Variants in SMARCAD1 observed in about 807,000 individuals in gnomAD.
The protein encoded by SMARCAD1 is SNF2 related chromatin remodeling ATPase with DExD box 1.
A neutral mutation model predicts 127.1 loss-of-function variants in SMARCAD1; 25 were observed. The observed-to-expected ratio is 0.20, with a 90% CI of 0.14 to 0.27. The LOEUF (loss-of-function observed/expected upper bound fraction) is 0.27, where lower values mean the gene tolerates loss of function less well. Ranked by LOEUF, SMARCAD1 falls within the 10% of genes least tolerant of loss-of-function variation. The probability of loss-of-function intolerance (pLI) is 1.00; values close to 1 mark genes in which losing one functional copy is unlikely to be tolerated. For missense variants in SMARCAD1, 807 were observed against 1,206.0 expected, an observed-to-expected ratio of 0.67 and a Z score of 4.90; for synonymous variants, 400 against 396.9, an observed-to-expected ratio of 1.01 and a Z score of -0.09.
At chr4:94,265,050 G>T in intron 10 of SMARCAD1, 144 bp downstream of exon 10, 1 of 708,018 alleles carries the variant, frequency 1.4e-6, no homozygotes, top group Non-Finnish European at 2.4e-6. Context: ...CACATAAGTG[G>T]ACTATGAACT....
At chr4:94,248,635 G>A (rs1409697094) in intron 6 of SMARCAD1, 1 of 416,680 alleles carries the variant, frequency 2.4e-6, no homozygotes, top group Non-Finnish European at 4.8e-6. Context: ...TGTTAGCTCT[G>A]GTTTAATTCT....
At chr4:94,268,678 C>T (rs930827340) in intron 10 of SMARCAD1, among the ~76,000 whole-genome samples, 22 of 152,130 alleles carry the variant, frequency 1.4e-4, no homozygotes. Context: ...ATTGCAGATA[C>T]AGATTTGGTT....
chr4:94,250,040 G>C (rs972773942), intron 7 of SMARCAD1, among the ~76,000 whole-genome samples: 2 of 151,814 alleles, frequency 1.3e-5, no homozygotes, highest in African/African-American at 4.8e-5. Context: ...AAAGTCATCT[G>C]TAACCCTGCC....
intron 16 of SMARCAD1, among the ~76,000 whole-genome samples, chr4:94,278,054 A>G (rs1753545384): frequency 6.6e-6 from 1 of 152,132 alleles, no homozygotes; most frequent in Admixed American, 6.5e-5. Flanking sequence ...ACAAAGAAAT[A>G]AAGGATTTTC....
chr4:94,210,156 C>G (rs1578966495), intron 2 of SMARCAD1, among the ~76,000 whole-genome samples: 1 of 152,160 alleles, frequency 6.6e-6, no homozygotes, highest in Non-Finnish European at 1.5e-5. Flanking sequence ...TGATAACACT[C>G]ATTTTCTCTT....
intron 7 of SMARCAD1, among the ~76,000 whole-genome samples, 161 bp downstream of exon 7, chr4:94,249,916 A>G (rs575693381): frequency 4.5e-4 from 69 of 152,004 alleles, no homozygotes; most frequent in Non-Finnish European, 7.7e-4. Context: ...CATACTGTTT[A>G]TTTATGTTGT....
chr4:94,213,896 C>T (rs1035437748), intron 2 of SMARCAD1, among the ~76,000 whole-genome samples: 3 of 152,106 alleles, frequency 2.0e-5, no homozygotes, highest in Admixed American at 6.5e-5. Flanking sequence ...GAACTTGGGA[C>T]TCATCAATGT....
At chr4:94,249,556 A>G in intron 6 of SMARCAD1, 98 bp from the exon 7 acceptor site, 6 of 737,230 alleles carry the variant, frequency 8.1e-6, no homozygotes, top group Non-Finnish European at 1.2e-5. Flanking sequence ...ACTGATGATG[A>G]TAATTTTCAG....
intron 20 of SMARCAD1, 46 bp downstream of exon 20, chr4:94,280,826 T>C (rs1277621451): frequency 1.3e-6 from 2 of 1,576,714 alleles, no homozygotes; most frequent in East Asian, 2.2e-5. Context: ...TCAATTACTT[T>C]AACTTCTTAA....
In SMARCAD1 at chr4:94,291,249, G is replaced by GCGCTA. The variant is rs1755653017; in HGVS notation, c.*1716_*1720dup. 1 of 453,502 alleles carries GCGCTA rather than the reference G, an allele frequency of 2.2e-6. No homozygotes were observed. Among genetic ancestry groups the GCGCTA allele is most frequent in the African/African-American group, 2.0e-5 (1 of 49,902 alleles). 28.1% of individuals were successfully genotyped at this position (453,502 alleles called of 1,614,324 possible). Reference sequence around the variant, plus strand: ...AATGTAGTTGGGTTCTTCCTGTAATGCGCTATTATGTCTTGGGCTTAATAA... The same window carrying GCGCTA: ...AATGTAGTTGGGTTCTTCCTGTAATGCGCTACGCTATTATGTCTTGGGCTTAATAA... On this transcript the variant is annotated 3_prime_UTR_variant, in exon 24 of 24. Coordinates refer to ENST00000354268, the MANE Select transcript of SMARCAD1 (RefSeq NM_020159.5).
intron 2 of SMARCAD1, among the ~76,000 whole-genome samples, chr4:94,209,999 C>G (rs766541470): frequency 1.3e-5 from 2 of 152,144 alleles, no homozygotes; most frequent in Non-Finnish European, 2.9e-5. Context: ...AATCTGTGAT[C>G]CACACTTTTT....
At chr4:94,225,908 T>C (rs561842163) in intron 2 of SMARCAD1, among the ~76,000 whole-genome samples, 2 of 152,340 alleles carry the variant, frequency 1.3e-5, no homozygotes, top group Non-Finnish European at 2.9e-5. Context: ...CAGTTTCCAC[T>C]AAAGTCTTGT....
At chr4:94,208,094 C>T in intron 1 of SMARCAD1, 24 bp downstream of exon 1, 1 of 535,436 alleles carries the variant, frequency 1.9e-6, no homozygotes, top group Non-Finnish European at 3.6e-6. Flanking sequence ...GCATGAGGGT[C>T]AGCTCGTGGT....
chr4:94,276,887 TTTATCA>T, intron 15 of SMARCAD1, 129 bp from the exon 16 acceptor site: 1 of 932,744 alleles, frequency 1.1e-6, no homozygotes. Flanking sequence ...TACTATATCA[TTTATCA>T]CAGAATGTTA....
At chr4:94,216,032 C>A (rs1358416075) in intron 2 of SMARCAD1, among the ~76,000 whole-genome samples, 1 of 152,146 alleles carries the variant, frequency 6.6e-6, no homozygotes, top group African/African-American at 2.4e-5. Context: ...CTTGGCAATT[C>A]TGGAGGCTGG....
At chr4:94,253,523 A>G in intron 9 of SMARCAD1, 1 of 1,130,860 alleles carries the variant, frequency 8.8e-7, no homozygotes, top group Non-Finnish European at 1.1e-6. Context: ...TCTAAAAGTA[A>G]CAGCTCAGTC....
At chr4:94,232,145 G>A (rs1199370061) in intron 3 of SMARCAD1, among the ~76,000 whole-genome samples, 1 of 152,194 alleles carries the variant, frequency 6.6e-6, no homozygotes, top group African/African-American at 2.4e-5. Flanking sequence ...TTACAGGTGT[G>A]AGCCACTGCA....
At position 94,286,226 on chromosome 4, in the gene SMARCAD1, T is replaced by C. The variant is rs1008739938; in HGVS notation, c.3019+1157T>C. On this transcript the variant is annotated intron_variant, in intron 23 of 23. Coordinates refer to ENST00000354268, the MANE Select transcript of SMARCAD1 (RefSeq NM_020159.5). ...TGAAGGAGGGAGGTTTGTTCTCTTA[T>C]TTAAATATTAATAGTTAATCTGCCT... 5.9e-5 allele frequency among the ~76,000 whole-genome samples: 9 copies of C among 152,294 alleles called. 1 individual carries two copies. The highest frequency in any genetic ancestry group is 5.9e-4 in the Admixed American group (9 of 15,288).
At chr4:94,234,344 T>C (rs2125860524) in intron 4 of SMARCAD1, among the ~76,000 whole-genome samples, 1 of 152,332 alleles carries the variant, frequency 6.6e-6, no homozygotes, top group East Asian at 1.9e-4. Context: ...ATTAAAGCCT[T>C]AATAGCGAAC....
Sources: gnomAD v4.1 joint callset for allele counts (sites outside exome capture counted in the v4.1 genomes callset) on GRCh38, gnomAD v4.1.1 for gene constraint, MANE v1.5 for transcripts, NCBI Gene and HGNC (gene_info 2026-07-23, HGNC 2026-07-21) for gene names.